The following CARNMT1 variants were observed in gnomAD, a reference collection of about 807,000 sequenced individuals.
The protein encoded by CARNMT1 is carnosine N-methyltransferase 1.
CARNMT1 carries 28 observed loss-of-function variants against 49.6 expected under a neutral mutation model. The observed-to-expected ratio is 0.56, with a 90% CI of 0.42 to 0.77. The LOEUF is 0.77. CARNMT1 is among the 30% of genes least tolerant of loss of function. The probability of loss-of-function intolerance (pLI) is 0.00; values close to 1 mark genes in which losing one functional copy is unlikely to be tolerated. For missense variants in CARNMT1, 421 were observed against 512.6 expected (o/e 0.82, Z 1.73); for synonymous variants, 178 against 175.0 (o/e 1.02, Z -0.13).
At chr9:75,020,267 CTTT>C (rs200444980) in intron 1 of CARNMT1, among the ~76,000 whole-genome samples, 1 of 124,292 alleles carries the variant, frequency 8.0e-6, no homozygotes, top group Non-Finnish European at 1.7e-5. Context: ...CATTTTTCTT[CTTT>C]TTTTTTTTTT....
chr9:75,001,776 G>T (rs528240563), intron 3 of CARNMT1, among the ~76,000 whole-genome samples: 1 of 152,244 alleles, frequency 6.6e-6, no homozygotes, highest in African/African-American at 2.4e-5. Flanking sequence ...TGAAACTAAC[G>T]CACTCTAAGT....
intron 6 of CARNMT1, among the ~76,000 whole-genome samples, chr9:74,988,041 T>C (rs918912468): frequency 1.3e-5 from 2 of 152,090 alleles, no homozygotes; most frequent in Admixed American, 1.3e-4. Context: ...TTTTCTCAAC[T>C]CTCATGTCTC....
rs138940853 is a variant in CARNMT1 at position 74,994,092 on chromosome 9, G to C, written c.1024+2355C>G. ...AATAGGATTAGTGTCCTTATAAGAA[G>C]AGACACACCAAAGAGCTCACTCATG... On this transcript the variant is annotated intron_variant, in intron 6 of 7. Coordinates refer to ENST00000376834, the MANE Select transcript of CARNMT1 (RefSeq NM_152420.3). Among the ~76,000 whole-genome samples, 31 of 152,214 alleles carry C rather than the reference G, an allele frequency of 2.0e-4. No individual in the cohort carries two copies. The South Asian group carries it at 3.5e-3, about 17-fold the overall frequency.
chr9:74,988,333 A>T (rs1832911775), intron 6 of CARNMT1, among the ~76,000 whole-genome samples: 2 of 152,220 alleles, frequency 1.3e-5, no homozygotes, highest in Non-Finnish European at 2.9e-5. Context: ...AAAATTAAAA[A>T]ATCACCTATA....
At chr9:75,027,245 G>T in intron 1 of CARNMT1, 3 of 883,016 alleles carry the variant, frequency 3.4e-6, no homozygotes, top group Non-Finnish European at 3.1e-6. Flanking sequence ...AAACGTGGAA[G>T]TTAGGGAGCT....
chr9:75,018,767 A>G (rs1217642375), intron 1 of CARNMT1, among the ~76,000 whole-genome samples: 1 of 152,162 alleles, frequency 6.6e-6, no homozygotes, highest in Non-Finnish European at 1.5e-5. Context: ...CAGAAGTTCA[A>G]GACCAGCCTG....
At position 74,982,149 on chromosome 9, in the gene CARNMT1, C is replaced by G. The variant is rs1832708002; in HGVS notation, c.*1618G>C. 1 of 152,100 alleles carries G rather than the reference C, an allele frequency of 6.6e-6. No homozygotes were observed. The highest frequency in any genetic ancestry group is 1.5e-5 in the Non-Finnish European group (1 of 67,996). The allele number at this position is 152,100 out of a possible 1,614,324, so 9.4% of individuals were successfully genotyped here. Reference sequence around the variant, plus strand: ...ATCACTGTACACGGAAAAGGTCCCCCCAACTAGTAAGATGCCAAATAGGGT... The same window carrying G: ...ATCACTGTACACGGAAAAGGTCCCCGCAACTAGTAAGATGCCAAATAGGGT... On this transcript the variant is annotated 3_prime_UTR_variant, in exon 8 of 8. Transcript: ENST00000376834.
At chr9:75,021,468 T>C (rs979156284) in intron 1 of CARNMT1, among the ~76,000 whole-genome samples, 10 of 122,432 alleles carry the variant, frequency 8.2e-5, no homozygotes, top group Non-Finnish European at 1.7e-4. Flanking sequence ...AGGATAAATA[T>C]ATATACTATA....
intron 4 of CARNMT1, 120 bp from the exon 5 acceptor site, chr9:74,998,896 G>A (rs1028373218): frequency 2.3e-5 from 13 of 564,074 alleles, no homozygotes; most frequent in African/African-American, 3.8e-5. Context: ...TATTTAAAGA[G>A]TCACTATTAC....
chr9:74,994,493 A>C (rs1226238195), intron 6 of CARNMT1, among the ~76,000 whole-genome samples: 1 of 152,136 alleles, frequency 6.6e-6, no homozygotes, highest in African/African-American at 2.4e-5. Context: ...CTTGAGACAC[A>C]AGGATTTTGA....
intron 1 of CARNMT1, among the ~76,000 whole-genome samples, chr9:75,025,243 G>T (rs750804224): frequency 6.6e-6 from 1 of 152,144 alleles, no homozygotes; most frequent in Non-Finnish European, 1.5e-5. Flanking sequence ...AAGGTTTATG[G>T]TATTGCATTA....
chr9:74,997,256 T>C (rs555782444), intron 5 of CARNMT1, among the ~76,000 whole-genome samples: 5 of 152,208 alleles, frequency 3.3e-5, no homozygotes, highest in Non-Finnish European at 7.3e-5. Flanking sequence ...TTTCATTCCT[T>C]ATCCACAACA....
chr9:75,022,214 T>C (rs1822387364), intron 1 of CARNMT1, among the ~76,000 whole-genome samples: 1 of 50,460 alleles, frequency 2.0e-5, no homozygotes, highest in African/African-American at 7.2e-5. Context: ...GAAGGAATAC[T>C]TTTTTTTTTT....
rs1242789982 is a variant in CARNMT1, at chr9:74,998,654, G to A, written c.854C>T (p.Pro285Leu). The change falls in exon 5 of 8, where the codon CCT (proline) becomes CTT (leucine). Residue 285 changes from proline to leucine, a missense_variant. By Grantham distance (98) the Pro-to-Leu change is moderately conservative (BLOSUM62 -3). This residue lies in a region of CARNMT1 where 235 missense variants were observed against 344.8 expected (regional missense o/e 0.68). Coordinates refer to ENST00000376834, the MANE Select transcript of CARNMT1 (RefSeq NM_152420.3). ...TGCTGTCATAGAAAAGTTAGAACCA[G>A]GAGGAAGACTGTGGGGGTCAACATC... The part of the protein sequence containing the change: ...FPDVDPHSLP[P>L]GSNFSMTAGD... 1 of 1,606,476 alleles carries A rather than the reference G, an allele frequency of 6.2e-7. No homozygotes were observed. The highest frequency in any genetic ancestry group is 1.7e-4 in the Middle Eastern group (1 of 6,030).
chr9:75,005,822 ATT>A (rs1266830913), intron 3 of CARNMT1, among the ~76,000 whole-genome samples: 1 of 120,604 alleles, frequency 8.3e-6, no homozygotes, highest in Non-Finnish European at 1.7e-5. Context: ...CTTCAGTGAA[ATT>A]AAAACACACA....
At chr9:75,027,900 C>G in intron 1 of CARNMT1, 112 bp downstream of exon 1, 2 of 1,229,502 alleles carry the variant, frequency 1.6e-6, no homozygotes, top group Non-Finnish European at 2.1e-6. Flanking sequence ...AGCCGGGTCC[C>G]GACGCCTCGG....
chr9:75,005,827 A>ACACAC (rs1833490656), intron 3 of CARNMT1, among the ~76,000 whole-genome samples: 1 of 135,688 alleles, frequency 7.4e-6, no homozygotes, highest in Non-Finnish European at 1.6e-5. Context: ...GTGAAATTAA[A>ACACAC]ACACACACAC....
chr9:75,013,991 GAA>G (rs796949404), intron 3 of CARNMT1, among the ~76,000 whole-genome samples: 2 of 18,056 alleles, frequency 1.1e-4, no homozygotes, highest in African/African-American at 2.3e-4. Context: ...GAGAGAGAGA[GAA>G]AAAAAAAAAA....
At chr9:75,017,513 A>C in intron 1 of CARNMT1, 65 bp from the exon 2 acceptor site, 1 of 1,356,744 alleles carries the variant, frequency 7.4e-7, no homozygotes, top group South Asian at 1.3e-5. Flanking sequence ...ATCTTACTTT[A>C]AGGTTGTCTT....
Sources: allele counts gnomAD v4.1 joint callset (sites outside exome capture counted in the v4.1 genomes callset), GRCh38; gene constraint gnomAD v4.1.1; regional missense constraint gnomAD v4.1.1; transcripts MANE v1.5; gene names NCBI Gene and HGNC (gene_info 2026-07-23, HGNC 2026-07-21).